Variants in FZD2 observed in about 807,000 individuals in gnomAD.
The protein encoded by FZD2 is frizzled class receptor 2.
A neutral mutation model predicts 36.7 loss-of-function variants in FZD2; 17 were observed. The ratio of observed to expected loss-of-function variants is 0.46; its 90% CI spans 0.32 to 0.70. The LOEUF (loss-of-function observed/expected upper bound fraction) is 0.70. Among genes scored for constraint, FZD2 ranks in the 30% least tolerant of loss-of-function variants. FZD2 has a pLI of 0.04. For missense variants in FZD2, 525 were observed against 805.6 expected (o/e 0.65, Z 4.22); for synonymous variants, 333 against 359.6 (o/e 0.93, Z 0.84).
chr17:44,560,557 T>C lies in FZD2; in HGVS notation c.*1171T>C, dbSNP rs371015101. Among the ~76,000 whole-genome samples the C allele has an allele frequency of 7.6e-5, 4 of 52,886 alleles. No homozygotes were observed. Among genetic ancestry groups the C allele is most frequent in the Non-Finnish European group, 1.9e-4 (4 of 20,868 alleles). 34.7% of individuals were successfully genotyped at this position (52,886 alleles called of 152,430 possible). A position where few individuals can be genotyped will look rare whatever the true frequency, so the allele number is the denominator to read the frequency against. On this transcript the variant is annotated 3_prime_UTR_variant, in exon 1 of 1. Coordinates refer to ENST00000315323, the MANE Select transcript of FZD2 (RefSeq NM_001466.4). The stretch of plus-strand genomic sequence containing the variant: ...TATTTAAAATTTGTCCAGAAAAAAA[T>C]GAAAAAAAAAAAAAAGGTGGTATCT...
rs1220634584 is a variant in FZD2 at position 44,558,414 on chromosome 17, T to A, written c.726T>A (p.Arg242=). 1 of 1,572,172 alleles carries A rather than the reference T, an allele frequency of 6.4e-7. No homozygotes were observed. Among genetic ancestry groups the A allele is most frequent in the Admixed American group, 1.9e-5 (1 of 51,390 alleles). ...GSMFFSQEET[R]FARLWILTWS... ...TGTTCTTCTCACAGGAGGAGACGCG[T>A]TTCGCGCGCCTCTGGATCCTCACCT... is the stretch of plus-strand genomic sequence containing the variant. Residue 242 remains arginine, a synonymous_variant, in exon 1 of 1, where the codon CGT becomes CGA. Transcript: ENST00000315323. The surrounding 1 kb of genome is among the most constrained non-coding windows in gnomAD (Gnocchi z 9.3).
rs1171120457 is a variant in FZD2 at position 44,558,586 on chromosome 17, C to G, written c.898C>G (p.Leu300Val). ...GGTGGCCTACATCGCGGGCTTCGTGCTCCAGGAGCGCGTGGTGTGCAACGA... is the reference window on the plus strand; with the variant it reads ...GGTGGCCTACATCGCGGGCTTCGTGGTCCAGGAGCGCGTGGTGTGCAACGA... ...VSVAYIAGFVLQERVVCNERF... is the reference protein window; with the variant it reads ...VSVAYIAGFVVQERVVCNERF... The change falls in exon 1 of 1, where the codon CTC becomes GTC. Residue 300 changes from leucine (L) to valine (V), a missense_variant. Physicochemically the swap from Leu to Val is conservative, Grantham distance 32 (BLOSUM62 1). Transcript: ENST00000315323. This position sits in a 1 kb window ranked among gnomAD's most constrained non-coding sequence, Gnocchi z 9.3. 10 of 1,610,848 alleles carry G rather than the reference C, an allele frequency of 6.2e-6. No individual in the cohort carries two copies. The highest frequency in any genetic ancestry group is 8.5e-6 in the Non-Finnish European group (10 of 1,178,346).
rs1215190222 is a variant in FZD2, at chr17:44,557,519, GC to G, written c.-165del. On this transcript the variant is annotated 5_prime_UTR_variant, in exon 1 of 1. Coordinates refer to ENST00000315323, the MANE Select transcript of FZD2 (RefSeq NM_001466.4). This position sits in a 1 kb window ranked among gnomAD's most constrained non-coding sequence, Gnocchi z 4.9. The stretch of plus-strand genomic sequence containing the variant: ...CGGCAAGCAAGCGGGCAGGCGCACC[GC>G]CCCCTCCCCCGCCCGGCCTCCCCAA... The G allele has an allele frequency of 3.9e-6, 2 of 515,390 alleles. No individual in the cohort carries two copies. Among genetic ancestry groups the G allele is most frequent in the Non-Finnish European group, 6.8e-6 (2 of 293,428 alleles). 31.9% of individuals were successfully genotyped at this position (515,390 alleles called of 1,614,324 possible). A position where few individuals can be genotyped will look rare whatever the true frequency, so the allele number is the denominator to read the frequency against.
rs1487978099 is a variant in FZD2, at chr17:44,558,024, T to C, written c.336T>C (p.Ser112=). 1 of 1,613,548 alleles carries C rather than the reference T, an allele frequency of 6.2e-7. No homozygotes were observed. Among genetic ancestry groups the C allele is most frequent in the African/African-American group, 1.3e-5 (1 of 75,066 alleles). Reference sequence around the variant, plus strand: ...AACAGGCCATCCCGCCGTGCCGCTCTATCTGTGAGCGCGCGCGCCAGGGCT... The same window carrying C: ...AACAGGCCATCCCGCCGTGCCGCTCCATCTGTGAGCGCGCGCGCCAGGGCT... The part of the protein sequence containing the change: ...VLEQAIPPCR[S]ICERARQGCE... Residue 112 remains serine (S), a synonymous_variant, in exon 1 of 1, where the codon TCT becomes TCC. Coordinates refer to ENST00000315323, the MANE Select transcript of FZD2 (RefSeq NM_001466.4). This position sits in a 1 kb window ranked among gnomAD's most constrained non-coding sequence, Gnocchi z 9.3.
Position 44,558,136 on chromosome 17 carries a change from T to C in FZD2, c.448T>C (p.Cys150Arg). Residue 150 changes from cysteine (C) to arginine (R), a missense_variant, in exon 1 of 1, where the codon TGC becomes CGC. Transcript: ENST00000315323. The surrounding 1 kb of genome is among the most constrained non-coding windows in gnomAD (Gnocchi z 9.3). ...HFPRHGAEQI[C>R]VGQNHSEDGA... The stretch of plus-strand genomic sequence containing the variant: ...CCCGCGCCACGGCGCCGAGCAGATC[T>C]GCGTCGGCCAGAACCACTCCGAGGA... 1 of 1,606,224 alleles carries C rather than the reference T, an allele frequency of 6.2e-7. No individual in the cohort carries two copies. Among genetic ancestry groups the C allele is most frequent in the Non-Finnish European group, 8.5e-7 (1 of 1,178,890 alleles).
Position 44,557,775 on chromosome 17 carries a change from G to A in FZD2, c.87G>A (p.Lys29=). ...GGCCGGCCCAGTTCCACGGGGAGAA[G>A]GGCATCTCCATCCCGGACCACGGCT... ...AAGPAQFHGE[K]GISIPDHGFC... Residue 29 remains lysine, a synonymous_variant, in exon 1 of 1, where the codon AAG becomes AAA. Transcript: ENST00000315323. The surrounding 1 kb of genome is among the most constrained non-coding windows in gnomAD (Gnocchi z 4.9). 1 of 1,613,134 alleles carries A rather than the reference G, an allele frequency of 6.2e-7. No homozygotes were observed. Among genetic ancestry groups the A allele is most frequent in the Non-Finnish European group, 8.5e-7 (1 of 1,179,858 alleles).
rs758721487 is a variant in FZD2 at position 44,559,209 on chromosome 17, G to A, written c.1521G>A (p.Pro507=). 3.7e-6 allele frequency: 6 copies of A among 1,613,960 alleles called. No homozygotes were observed. Among genetic ancestry groups the A allele is most frequent in the African/African-American group, 2.7e-5 (2 of 75,070 alleles). Residue 507 remains proline (P), a synonymous_variant, in exon 1 of 1, where the codon CCG becomes CCA. Coordinates refer to ENST00000315323, the MANE Select transcript of FZD2 (RefSeq NM_001466.4). The surrounding 1 kb of genome is among the most constrained non-coding windows in gnomAD (Gnocchi z 4.4). ...GCAAGAGCCTGGCCATCCCGTGCCC[G>A]GCGCACTACACGCCGCGCATGTCGC... The part of the protein sequence containing the change: ...QHCKSLAIPC[P]AHYTPRMSPD...
Position 44,558,127 on chromosome 17 carries a change from G to T in FZD2, c.439G>T (p.Glu147Ter). ...RCEHFPRHGAEQICVGQNHSE... is the reference protein window; with the variant it reads ...RCEHFPRHGA ...CGAGCACTTCCCGCGCCACGGCGCC[G>T]AGCAGATCTGCGTCGGCCAGAACCA... is the stretch of plus-strand genomic sequence containing the variant. Residue 147 changes from glutamate (E) to a stop codon, truncating the protein, a stop_gained, in exon 1 of 1, where the codon GAG (glutamate) becomes TAG (stop). Coordinates refer to ENST00000315323, the MANE Select transcript of FZD2 (RefSeq NM_001466.4). LOFTEE classifies it high-confidence loss of function. The surrounding 1 kb of genome is among the most constrained non-coding windows in gnomAD (Gnocchi z 9.3). 6.2e-7 allele frequency: 1 copy of T among 1,606,786 alleles called. No homozygotes were observed. Among genetic ancestry groups the T allele is most frequent in the East Asian group, 2.2e-5 (1 of 44,786 alleles).
rs1183509657 is a variant in FZD2, at chr17:44,560,064, CG to C, written c.*680del. ...TGCTGGTGGGGAGAGGGCAGAGATC[CG>C]GTGAGGAATGGCTTCCACCCCCTGG... On this transcript the variant is annotated 3_prime_UTR_variant, in exon 1 of 1. Coordinates refer to ENST00000315323, the MANE Select transcript of FZD2 (RefSeq NM_001466.4). Among the ~76,000 whole-genome samples, 1 of 152,104 alleles carries C rather than the reference CG, an allele frequency of 6.6e-6. No individual in the cohort carries two copies. Among genetic ancestry groups the C allele is most frequent in the African/African-American group, 2.4e-5 (1 of 41,404 alleles).
chr17:44,558,509 G>A lies in FZD2; in HGVS notation c.821G>A (p.Arg274His). The A allele has an allele frequency of 6.3e-7, 1 of 1,580,434 alleles. No homozygotes were observed. The highest frequency in any genetic ancestry group is 1.4e-5 in the African/African-American group (1 of 73,894). Reference protein sequence around the residue: ...TTYLVDMQRFRYPERPIIFLS... With the variant: ...TTYLVDMQRFHYPERPIIFLS... ...TACTTGGTAGACATGCAGCGCTTCCGCTACCCAGAGCGGCCTATCATTTTT... is the reference window on the plus strand; with the variant it reads ...TACTTGGTAGACATGCAGCGCTTCCACTACCCAGAGCGGCCTATCATTTTT... Residue 274 changes from arginine to histidine, a missense_variant, in exon 1 of 1, where the codon CGC becomes CAC. Physicochemically the swap from Arg to His is conservative, Grantham distance 29. Transcript: ENST00000315323. The surrounding 1 kb of genome is among the most constrained non-coding windows in gnomAD (Gnocchi z 9.3).
At position 44,559,074 on chromosome 17, in the gene FZD2, C is replaced by A. The variant is rs61736389; in HGVS notation, c.1386C>A (p.Ile462=). 4.5e-3 allele frequency: 7,187 copies of A among 1,609,542 alleles called. 266 individuals carry two copies. In the African/African-American group the frequency reaches 0.084, roughly 19 times the overall value. Residue 462 remains isoleucine (I), a synonymous_variant, in exon 1 of 1, where the codon ATC becomes ATA. Coordinates refer to ENST00000315323, the MANE Select transcript of FZD2 (RefSeq NM_001466.4). This position sits in a 1 kb window ranked among gnomAD's most constrained non-coding sequence, Gnocchi z 4.4. ...AGCTGGAGCGGCTCATGGTGCGCAT[C>A]GGCGTCTTCTCCGTGCTCTACACAG... The part of the protein sequence containing the change: ...TEKLERLMVR[I]GVFSVLYTVP...
rs1568104858 is a variant in FZD2 at position 44,557,740 on chromosome 17, C to T, written c.52C>T (p.Pro18Ser). 6.2e-7 allele frequency: 1 copy of T among 1,606,944 alleles called. No individual in the cohort carries two copies. ...CCTGCTGCTGCCGCTGCTGCTGCTG[C>T]CCGCCGCCGGGCCGGCCCAGTTCCA... Reference protein sequence around the residue: ...PRLLLPLLLLPAAGPAQFHGE... With the variant: ...PRLLLPLLLLSAAGPAQFHGE... Residue 18 changes from proline to serine, a missense_variant, in exon 1 of 1, where the codon CCC becomes TCC. Physicochemically the swap from Pro to Ser is moderately conservative, Grantham distance 74. Around this residue, in one of 5 missense-constraint regions of FZD2, gnomAD observed 44 missense variants for 43.9 expected, o/e 1.00. Transcript: ENST00000315323. This position sits in a 1 kb window ranked among gnomAD's most constrained non-coding sequence, Gnocchi z 4.9.
Position 44,559,159 on chromosome 17 carries a change from G to C in FZD2, c.1471G>C (p.Glu491Gln). ...CGAGCAGGCCTTCCGCGAGCACTGG[G>C]AGCGCTCGTGGGTGAGCCAGCACTG... ...FYEQAFREHW[E>Q]RSWVSQHCKS... Residue 491 changes from glutamate to glutamine, a missense_variant, in exon 1 of 1, where the codon GAG becomes CAG. Coordinates refer to ENST00000315323, the MANE Select transcript of FZD2 (RefSeq NM_001466.4). This position sits in a 1 kb window ranked among gnomAD's most constrained non-coding sequence, Gnocchi z 4.4. 2 of 1,613,910 alleles carry C rather than the reference G, an allele frequency of 1.2e-6. No individual in the cohort carries two copies. The highest frequency in any genetic ancestry group is 1.7e-6 in the Non-Finnish European group (2 of 1,179,998).
Position 44,560,077 on chromosome 17 carries a change from C to T in FZD2, c.*691C>T, listed in dbSNP as rs1970872093. Among the ~76,000 whole-genome samples the T allele has an allele frequency of 6.6e-6, 1 of 152,182 alleles. No individual in the cohort carries two copies. The highest frequency in any genetic ancestry group is 6.5e-5 in the Admixed American group (1 of 15,278). ...AGGGCAGAGATCCGGTGAGGAATGG[C>T]TTCCACCCCCTGGCCCATTCCCCTG... On this transcript the variant is annotated 3_prime_UTR_variant, in exon 1 of 1. Transcript: ENST00000315323.
rs999364876 is a variant in FZD2 at position 44,558,256 on chromosome 17, C to T, written c.568C>T (p.Pro190Ser). The change falls in exon 1 of 1, where the codon CCG becomes TCG. Residue 190 changes from proline to serine, a missense_variant. Pro to Ser is a moderately conservative substitution (Grantham distance 74, BLOSUM62 -1). This residue lies in a region of FZD2 where 257 missense variants were observed against 344.4 expected (regional missense o/e 0.75). Coordinates refer to ENST00000315323, the MANE Select transcript of FZD2 (RefSeq NM_001466.4). The surrounding 1 kb of genome is among the most constrained non-coding windows in gnomAD (Gnocchi z 9.3). The part of the protein sequence containing the change: ...PGGPGGGGAP[P>S]RYATLEHPFH... ...TGGCCCGGGCGGCGGCGGCGCTCCC[C>T]CGCGCTACGCCACGCTGGAGCACCC... 2.9e-6 allele frequency: 4 copies of T among 1,398,642 alleles called. No homozygotes were observed. The highest frequency in any genetic ancestry group is 3.5e-5 in the Admixed American group (1 of 28,848). The allele number at this position is 1,398,642 out of a possible 1,614,324, so 86.6% of individuals were successfully genotyped here.
chr17:44,560,001 G>A lies in FZD2; in HGVS notation c.*615G>A, dbSNP rs1970871012. Among the ~76,000 whole-genome samples, 1 of 149,258 alleles carries A rather than the reference G, an allele frequency of 6.7e-6. No homozygotes were observed. Among genetic ancestry groups the A allele is most frequent in the Non-Finnish European group, 1.5e-5 (1 of 67,642 alleles). ...ACTCACTCTTGGAAAAGTCCCAACA[G>A]AGATGAAGACGTGGAAAAAAAAATC... On this transcript the variant is annotated 3_prime_UTR_variant, in exon 1 of 1. Transcript: ENST00000315323.
At position 44,558,164 on chromosome 17, in the gene FZD2, G is replaced by C. The variant is rs779004987; in HGVS notation, c.476G>C (p.Gly159Ala). 8 of 1,571,820 alleles carry C rather than the reference G, an allele frequency of 5.1e-6. No individual in the cohort carries two copies. In the Admixed American group the frequency reaches 1.1e-4, roughly 21 times the overall value. ...ICVGQNHSED[G>A]APALLTTAPP... ...GTCGGCCAGAACCACTCCGAGGACG[G>C]AGCTCCCGCGCTACTCACCACCGCG... Residue 159 changes from glycine (G) to alanine (A), a missense_variant, in exon 1 of 1, where the codon GGA becomes GCA. Physicochemically the swap from Gly to Ala is moderately conservative, Grantham distance 60 (BLOSUM62 0). This residue lies in a region of FZD2 where 257 missense variants were observed against 344.4 expected (regional missense o/e 0.75). Coordinates refer to ENST00000315323, the MANE Select transcript of FZD2 (RefSeq NM_001466.4). This position sits in a 1 kb window ranked among gnomAD's most constrained non-coding sequence, Gnocchi z 9.3.
chr17:44,557,583 G>C lies in FZD2; in HGVS notation c.-106G>C. On this transcript the variant is annotated 5_prime_UTR_variant, in exon 1 of 1. Coordinates refer to ENST00000315323, the MANE Select transcript of FZD2 (RefSeq NM_001466.4). This position sits in a 1 kb window ranked among gnomAD's most constrained non-coding sequence, Gnocchi z 4.9. ...GAGTAAAGTTTGCAAAGAGGCGCGG[G>C]AGGCGGCAGCCGCAGCGAGGAGGCG... 1.4e-6 allele frequency: 1 copy of C among 714,094 alleles called. No individual in the cohort carries two copies. Among genetic ancestry groups the C allele is most frequent in the Non-Finnish European group, 2.0e-6 (1 of 512,670 alleles). The allele number at this position is 714,094 out of a possible 1,614,324, so 44.2% of individuals were successfully genotyped here. A position where few individuals can be genotyped will look rare whatever the true frequency, so the allele number is the denominator to read the frequency against.
At position 44,560,437 on chromosome 17, in the gene FZD2, A is replaced by T. The variant is rs73984035; in HGVS notation, c.*1051A>T. ...GGGTTTTTGTTGTTGTTTGGGGCTT[A>T]TTTTTTTCAAAAAGTGATAAAGACG... On this transcript the variant is annotated 3_prime_UTR_variant, in exon 1 of 1. Coordinates refer to ENST00000315323, the MANE Select transcript of FZD2 (RefSeq NM_001466.4). Among the ~76,000 whole-genome samples, 2,284 of 149,668 alleles carry T rather than the reference A, an allele frequency of 0.015. 64 individuals carry two copies. Among genetic ancestry groups the T allele is most frequent in the African/African-American group, 0.055 (2,213 of 40,510 alleles).
Sources: gnomAD v4.1 joint callset for allele counts (sites outside exome capture counted in the v4.1 genomes callset) on GRCh38, gnomAD v4.1.1 for gene constraint, gnomAD v4.1.1 regional missense constraint, Gnocchi (gnomAD v3.1) non-coding constraint, MANE v1.5 for transcripts, NCBI Gene and HGNC (gene_info 2026-07-23, HGNC 2026-07-21) for gene names.